Variants in DHX29 observed in about 807,000 individuals in gnomAD.
DHX29 encodes the protein ATP-dependent RNA helicase DHX29.
A neutral mutation model predicts 167.9 loss-of-function variants in DHX29; 79 were observed. The observed-to-expected ratio is 0.47, with a 90% CI of 0.39 to 0.57. The LOEUF is 0.57. Ranked by LOEUF, DHX29 falls within the 20% of genes least tolerant of loss-of-function variation. The pLI, the probability that DHX29 is intolerant of heterozygous loss-of-function variation, is 0.00. For missense variants in DHX29, 1,347 were observed against 1,593.4 expected (o/e 0.85, Z 2.63); for synonymous variants, 530 against 546.0 (o/e 0.97, Z 0.41).
chr5:55,278,200 A>G (rs940571234), intron 12 of DHX29, among the ~76,000 whole-genome samples: 1 of 152,182 alleles, frequency 6.6e-6, no homozygotes, highest in African/African-American at 2.4e-5. Context: ...CTGTCTTCCA[A>G]CTTTCTGTAC....
chr5:55,282,353 T>C (rs917941244), intron 11 of DHX29, among the ~76,000 whole-genome samples: 1 of 152,162 alleles, frequency 6.6e-6, no homozygotes, highest in Non-Finnish European at 1.5e-5. Flanking sequence ...TAATGTAACA[T>C]TCCCCATCAC....
chr5:55,269,332 A>T, intron 21 of DHX29, 81 bp downstream of exon 21: 1 of 1,389,272 alleles, frequency 7.2e-7, no homozygotes, highest in Non-Finnish European at 9.9e-7. Context: ...AAAAATTTTT[A>T]CTTAACAATT....
Position 55,259,875 on chromosome 5 carries a change from G to A in DHX29, c.4030C>T (p.Leu1344Phe). 2 of 1,609,290 alleles carry A rather than the reference G, an allele frequency of 1.2e-6. No individual in the cohort carries two copies. The highest frequency in any genetic ancestry group is 1.7e-6 in the Non-Finnish European group (2 of 1,175,802). The change falls in exon 26 of 27, where the codon CTT becomes TTT. Residue 1344 changes from leucine (L) to phenylalanine (F), a missense_variant. Transcript: ENST00000251636. ...VLIDSVLRKK[L>F]ENPKMSLEND... is the part of the protein sequence containing the mutation. ...TCAAGGGACATCTTTGGATTTTCAAGCTTTTTTCTTAAAACTGAATCAATG... is the reference window on the plus strand; with the variant it reads ...TCAAGGGACATCTTTGGATTTTCAAACTTTTTTCTTAAAACTGAATCAATG...
At chr5:55,278,420 T>C (rs75278322) in intron 12 of DHX29, among the ~76,000 whole-genome samples, 8,380 of 152,298 alleles carry the variant, frequency 0.055, 350 homozygotes, top group Non-Finnish European at 0.081. Flanking sequence ...ATTCTGGGTC[T>C]ATTTCTTCTA....
intron 14 of DHX29, among the ~76,000 whole-genome samples, chr5:55,276,058 ACAAT>A (rs1308522262): frequency 5.3e-5 from 8 of 152,314 alleles, no homozygotes; most frequent in African/African-American, 1.4e-4. Context: ...GTCTAAGAGG[ACAAT>A]CAAAGTATCA....
chr5:55,290,152 A>G (rs1747964964), intron 7 of DHX29, 66 bp downstream of exon 7: 3 of 1,539,356 alleles, frequency 1.9e-6, no homozygotes, highest in Non-Finnish European at 1.7e-6. Flanking sequence ...AGCATCATCC[A>G]TCCCAGGAAG....
intron 10 of DHX29, among the ~76,000 whole-genome samples, chr5:55,284,883 A>AC (rs535996936): frequency 6.6e-6 from 1 of 152,184 alleles, no homozygotes; most frequent in Non-Finnish European, 1.5e-5. Flanking sequence ...TTTTAAAAAA[A>AC]ATTAGCTGGA....
chr5:55,275,771 A>G lies in DHX29; in HGVS notation c.2427+495T>C, dbSNP rs112646167. ...TATGTATGTATGTATGTATGTATGT[A>G]TGTGTGTGTGTCTGTCTGTCTATCT... On this transcript the variant is annotated intron_variant, in intron 14 of 26. Coordinates refer to ENST00000251636, the MANE Select transcript of DHX29 (RefSeq NM_019030.4). 2.7e-3 allele frequency among the ~76,000 whole-genome samples: 397 copies of G among 146,902 alleles called. 3 individuals carry two copies. The highest frequency in any genetic ancestry group is 4.2e-3 in the African/African-American group (160 of 38,336).
chr5:55,265,377 GA>G (rs77605415), intron 23 of DHX29, among the ~76,000 whole-genome samples: 41 of 113,506 alleles, frequency 3.6e-4, no homozygotes, highest in African/African-American at 6.4e-4. Context: ...AAAGAAAAAA[GA>G]AAAAAAAAAA....
intron 8 of DHX29, among the ~76,000 whole-genome samples, chr5:55,287,576 C>A (rs1489609369): frequency 6.6e-6 from 1 of 152,106 alleles, no homozygotes; most frequent in Non-Finnish European, 1.5e-5. Context: ...ATAATTAACT[C>A]AGAATTTTTT....
intron 17 of DHX29, among the ~76,000 whole-genome samples, 170 bp downstream of exon 17, chr5:55,273,123 T>C (rs1394502773): frequency 2.0e-5 from 3 of 152,234 alleles, no homozygotes; most frequent in East Asian, 1.9e-4. Flanking sequence ...AATGCTTGAA[T>C]TGTAACATTG....
Position 55,300,032 on chromosome 5 carries a change from T to C in DHX29, c.188-1368A>G, listed in dbSNP as rs143254871. 1.3e-3 allele frequency among the ~76,000 whole-genome samples: 203 copies of C among 152,336 alleles called. 2 individuals are homozygous for C. In the Middle Eastern group the frequency reaches 0.024, roughly 18 times the overall value. On this transcript the variant is annotated intron_variant, in intron 1 of 26. Coordinates refer to ENST00000251636, the MANE Select transcript of DHX29 (RefSeq NM_019030.4). ...GTGGGTTATGTCTATTGATACTTAG[T>C]ATATTATAAATTAAAAGGGAAATTT...
chr5:55,292,944 T>C (rs1006215814), intron 6 of DHX29, among the ~76,000 whole-genome samples: 1 of 152,148 alleles, frequency 6.6e-6, no homozygotes, highest in African/African-American at 2.4e-5. Flanking sequence ...TTTACTTATA[T>C]TAGTTTAATA....
intron 18 of DHX29, 119 bp from the exon 19 acceptor site, chr5:55,270,825 A>G (rs1746819344): frequency 1.5e-6 from 1 of 686,508 alleles, no homozygotes. Context: ...ATTATTGTGG[A>G]CCAATAGTTC....
Position 55,274,669 on chromosome 5 carries a change from G to T in DHX29, c.2635C>A (p.His879Asn). 2 of 1,604,826 alleles carry T rather than the reference G, an allele frequency of 1.2e-6. No homozygotes were observed. Among genetic ancestry groups the T allele is most frequent in the South Asian group, 2.2e-5 (2 of 89,128 alleles). Residue 879 changes from histidine (H) to asparagine (N), a missense_variant, in exon 16 of 27, where the codon CAT becomes AAT. Around this residue, in one of 3 missense-constraint regions of DHX29, gnomAD observed 882 missense variants for 1,082.4 expected, o/e 0.81. Coordinates refer to ENST00000251636, the MANE Select transcript of DHX29 (RefSeq NM_019030.4). ...AVLIFLPGLA[H>N]IQQLYDLLSN... ...AGAAGATCATACAACTGCTGAATAT[G>T]AGCAAGTCCTGGTAAAAAGATCAAT... is the stretch of plus-strand genomic sequence containing the variant.
Position 55,281,353 on chromosome 5 carries a change from A to G in DHX29, c.2109+19T>C. ...AAAAATATTTCAAATTTTTGAATACAACTATAGAATCCACTCACCTCATCT... is the reference window on the plus strand; with the variant it reads ...AAAAATATTTCAAATTTTTGAATACGACTATAGAATCCACTCACCTCATCT... On this transcript the variant is annotated intron_variant, in intron 12 of 26. Transcript: ENST00000251636. The G allele has an allele frequency of 1.3e-6, 2 of 1,532,936 alleles. No homozygotes were observed. The highest frequency in any genetic ancestry group is 1.8e-4 in the Middle Eastern group (1 of 5,712). 95.0% of individuals were successfully genotyped at this position (1,532,936 alleles called of 1,614,324 possible). A position where few individuals can be genotyped will look rare whatever the true frequency, so the allele number is the denominator to read the frequency against.
chr5:55,302,831 CAAGTA>C (rs1748674132), intron 1 of DHX29, among the ~76,000 whole-genome samples: 1 of 152,036 alleles, frequency 6.6e-6, no homozygotes, highest in Non-Finnish European at 1.5e-5. Context: ...TCACTTTTGC[CAAGTA>C]AAGTGCATAA....
At chr5:55,289,173 C>T in intron 8 of DHX29, 97 bp downstream of exon 8, 1 of 1,344,072 alleles carries the variant, frequency 7.4e-7, no homozygotes, top group East Asian at 2.8e-5. Flanking sequence ...ATCTTACGTA[C>T]TTTGCCAGAA....
chr5:55,288,691 C>T (rs965378795), intron 8 of DHX29, among the ~76,000 whole-genome samples: 1 of 152,044 alleles, frequency 6.6e-6, no homozygotes, highest in Non-Finnish European at 1.5e-5. Context: ...CAAAGAAGTA[C>T]ATGATTACTT....
Sources: allele counts gnomAD v4.1 joint callset (sites outside exome capture counted in the v4.1 genomes callset), GRCh38; gene constraint gnomAD v4.1.1; regional missense constraint gnomAD v4.1.1; transcripts MANE v1.5; gene names NCBI Gene and HGNC (gene_info 2026-07-23, HGNC 2026-07-21).